COL25A1: variants seen among roughly 807,000 people sequenced by gnomAD.
COL25A1 encodes the protein collagen type XXV alpha 1 chain.
A neutral mutation model predicts 128.4 loss-of-function variants in COL25A1; 103 were observed. The ratio of observed to expected loss-of-function variants is 0.80; its 90% CI spans 0.68 to 0.94. The LOEUF (loss-of-function observed/expected upper bound fraction) is 0.94, where lower values mean the gene tolerates loss of function less well. Among genes scored for constraint, COL25A1 ranks in the 40% least tolerant of loss-of-function variants. The pLI is 0.00. For missense variants in COL25A1, 745 were observed against 840.0 expected, an observed-to-expected ratio of 0.89 and a Z score of 1.40; for synonymous variants, 279 against 277.2, an observed-to-expected ratio of 1.01 and a Z score of -0.06.
At chr4:108,994,112 G>A (rs1327737505) in intron 6 of COL25A1, among the ~76,000 whole-genome samples, 1 of 152,174 alleles carries the variant, frequency 6.6e-6, no homozygotes, top group African/African-American at 2.4e-5. Flanking sequence ...GTTGGGCAGT[G>A]GGTGCAGCCC....
At chr4:108,972,120 G>C (rs1215300790) in intron 8 of COL25A1, among the ~76,000 whole-genome samples, 1 of 152,112 alleles carries the variant, frequency 6.6e-6, no homozygotes, top group African/African-American at 2.4e-5. Context: ...GTCTCATGAT[G>C]GAAATTCACC....
At chr4:109,116,719 T>G (rs1351385424) in intron 3 of COL25A1, among the ~76,000 whole-genome samples, 1 of 152,068 alleles carries the variant, frequency 6.6e-6, no homozygotes, top group African/African-American at 2.4e-5. Context: ...CAGGATTTTT[T>G]AAACTGTAAT....
chr4:108,932,604 A>G (rs897100588), intron 11 of COL25A1, among the ~76,000 whole-genome samples: 1 of 152,206 alleles, frequency 6.6e-6, no homozygotes, highest in Non-Finnish European at 1.5e-5. Context: ...AGAACAGGAA[A>G]GTGATTTGGT....
intron 3 of COL25A1, among the ~76,000 whole-genome samples, chr4:109,241,379 C>A (rs1432740304): frequency 1.3e-5 from 2 of 151,950 alleles, no homozygotes; most frequent in Non-Finnish European, 2.9e-5. Flanking sequence ...TTTGTGTTTT[C>A]TAGAGTGCCT....
rs114666301 is a variant in COL25A1, at chr4:108,886,630, C to T, written c.976-2408G>A. Among the ~76,000 whole-genome samples the T allele has an allele frequency of 2.5e-3, 386 of 152,158 alleles. 3 individuals are homozygous for T. The highest frequency in any genetic ancestry group is 8.9e-3 in the African/African-American group (371 of 41,516). ...TTCTCCATTCTTCCCTATTCCTTGA[C>T]TCAGGGGCTTCTCTCAAGAACTCAA... On this transcript the variant is annotated intron_variant, in intron 18 of 37. Coordinates refer to ENST00000399132, the MANE Select transcript of COL25A1 (RefSeq NM_198721.4).
In COL25A1 at chr4:109,301,911, G is replaced by A; in HGVS notation, c.109C>T (p.Leu37=). 1 of 1,614,138 alleles carries A rather than the reference G, an allele frequency of 6.2e-7. No individual in the cohort carries two copies. The change falls in exon 2 of 38, where the codon CTG becomes TTG. Residue 37 remains leucine, a synonymous_variant. Transcript: ENST00000399132. ...GCCACCACTGACAGGAGGGCCGCCA[G>A]GACGGCACACGGGGGCATGGTCCGG... ...CARTMPPCAV[L]AALLSVVAVV... is the part of the protein sequence containing the mutation.
At chr4:109,286,095 G>A (rs541509962) in intron 3 of COL25A1, among the ~76,000 whole-genome samples, 44 of 152,270 alleles carry the variant, frequency 2.9e-4, no homozygotes, top group African/African-American at 1.1e-3. Flanking sequence ...CTATTAAACT[G>A]TGGTACAATC....
chr4:108,840,242 C>A (rs1424359335), intron 31 of COL25A1, among the ~76,000 whole-genome samples: 387 of 94,916 alleles, frequency 4.1e-3, no homozygotes, highest in Middle Eastern at 5.6e-3. Flanking sequence ...AACGCCATCT[C>A]AAAAAAAAAA....
chr4:109,148,828 C>A (rs1251549760), intron 3 of COL25A1, among the ~76,000 whole-genome samples: 1 of 152,144 alleles, frequency 6.6e-6, no homozygotes, highest in African/African-American at 2.4e-5. Flanking sequence ...AGCTGCCCAG[C>A]CTTCTCACCT....
In COL25A1 at chr4:108,860,990, G is replaced by T; in HGVS notation, c.1198-19C>A. ...GATCCCCCTTTTCCCGTTGGAAAGAGAAAAAACTTAATCAGAAGTGGGGGA... is the reference window on the plus strand; with the variant it reads ...GATCCCCCTTTTCCCGTTGGAAAGATAAAAAACTTAATCAGAAGTGGGGGA... On this transcript the variant is annotated intron_variant, in intron 22 of 37. Coordinates refer to ENST00000399132, the MANE Select transcript of COL25A1 (RefSeq NM_198721.4). The T allele has an allele frequency of 1.2e-6, 2 of 1,611,766 alleles. No individual in the cohort carries two copies. Among genetic ancestry groups the T allele is most frequent in the Non-Finnish European group, 1.7e-6 (2 of 1,178,092 alleles).
intron 11 of COL25A1, among the ~76,000 whole-genome samples, chr4:108,934,430 C>T (rs988061967): frequency 3.3e-5 from 5 of 152,054 alleles, no homozygotes; most frequent in East Asian, 1.9e-4. Flanking sequence ...CACATGTATA[C>T]CTATGTATCA....
chr4:109,050,258 T>A (rs1863292), intron 3 of COL25A1, 79 bp from the exon 4 acceptor site: 200,229 of 1,059,888 alleles, frequency 0.19, 24,139 homozygotes, highest in East Asian at 0.48. Flanking sequence ...ATAATTTATA[T>A]ATATTTTCTC....
Position 108,844,512 on chromosome 4 carries a change from A to C in COL25A1, c.1629+7T>G. The C allele has an allele frequency of 6.2e-7, 1 of 1,614,116 alleles. No individual in the cohort carries two copies. On this transcript the variant is annotated splice_region_variant and intron_variant, in intron 30 of 37. Transcript: ENST00000399132. ...GCAATTACATTTCAGAAAGAAGGGA[A>C]ACTTACCATGGGGCCAGGTGGGCCA...
intron 3 of COL25A1, among the ~76,000 whole-genome samples, chr4:109,160,322 T>C (rs534986026): frequency 6.6e-6 from 1 of 152,300 alleles, no homozygotes; most frequent in Admixed American, 6.5e-5. Flanking sequence ...AGAACATCTC[T>C]TTTGTTCATT....
At position 108,973,356 on chromosome 4, in the gene COL25A1, C is replaced by T. The variant is rs534672353; in HGVS notation, c.492+1011G>A. Among the ~76,000 whole-genome samples, 45 of 152,244 alleles carry T rather than the reference C, an allele frequency of 3.0e-4. 1 individual carries two copies. The South Asian group carries it at 9.3e-3, about 32-fold the overall frequency. On this transcript the variant is annotated intron_variant, in intron 8 of 37. Coordinates refer to ENST00000399132, the MANE Select transcript of COL25A1 (RefSeq NM_198721.4). ...TCAGTATTTCTATATGAAGAAGTGA[C>T]TGAAGAACAAAAGGGAAAGTATAAT...
At position 108,987,407 on chromosome 4, in the gene COL25A1, G is replaced by A. The variant is rs867404921; in HGVS notation, c.439-12848C>T. On this transcript the variant is annotated intron_variant, in intron 6 of 37. Transcript: ENST00000399132. Reference sequence around the variant, plus strand: ...CTTTTTTTTTTTGAGATGGAGTCTCGCTCTGTCGCCCAGGCTGGAGTGCAG... The same window carrying A: ...CTTTTTTTTTTTGAGATGGAGTCTCACTCTGTCGCCCAGGCTGGAGTGCAG... Among the ~76,000 whole-genome samples, 18 of 146,710 alleles carry A rather than the reference G, an allele frequency of 1.2e-4. No homozygotes were observed. The Middle Eastern group carries it at 0.014, about 117-fold the overall frequency.
intron 3 of COL25A1, among the ~76,000 whole-genome samples, chr4:109,124,284 G>A (rs1768383191): frequency 6.6e-6 from 1 of 151,854 alleles, no homozygotes; most frequent in Non-Finnish European, 1.5e-5. Context: ...TTAAATTCAA[G>A]GTTTTAATTA....
At chr4:109,245,831 C>CA (rs1230275550) in intron 3 of COL25A1, among the ~76,000 whole-genome samples, 1 of 151,928 alleles carries the variant, frequency 6.6e-6, no homozygotes, top group African/African-American at 2.4e-5. Flanking sequence ...AAAAACAACT[C>CA]AATGATTAAA....
intron 3 of COL25A1, among the ~76,000 whole-genome samples, chr4:109,079,765 T>C (rs1281770389): frequency 6.8e-6 from 1 of 147,434 alleles, no homozygotes; most frequent in Non-Finnish European, 1.5e-5. Context: ...GCTTCCAGTC[T>C]TCCTGAAAAG....
Sources: gnomAD v4.1 joint callset for allele counts (sites outside exome capture counted in the v4.1 genomes callset) on GRCh38, gnomAD v4.1.1 for gene constraint, MANE v1.5 for transcripts, NCBI Gene and HGNC (gene_info 2026-07-23, HGNC 2026-07-21) for gene names.